Variants in AMBRA1 observed in about 807,000 individuals in gnomAD.
AMBRA1 encodes autophagy and beclin 1 regulator 1, also known as activating molecule in BECN1-regulated autophagy protein 1.
Under a neutral mutation model 125.4 loss-of-function variants are expected in AMBRA1, and 47 were observed. That is an observed-to-expected ratio of 0.37 (90% CI 0.30 to 0.48). The LOEUF (loss-of-function observed/expected upper bound fraction) is 0.48. AMBRA1 is among the 20% of genes least tolerant of loss of function. The pLI is 0.99. For synonymous variants in AMBRA1, 626 were observed against 655.5 expected (o/e 0.95, Z 0.69); for missense variants, 1,331 against 1,693.4 (o/e 0.79, Z 3.76).
intron 1 of AMBRA1, among the ~76,000 whole-genome samples, chr11:46,588,612 C>CT (rs1432750140): frequency 6.7e-6 from 1 of 149,318 alleles, no homozygotes; most frequent in East Asian, 1.9e-4. Context: ...CCCGTCTCTA[C>CT]TAAAAAAAAA....
intron 14 of AMBRA1, among the ~76,000 whole-genome samples, chr11:46,429,706 T>C (rs1947358643): frequency 1.3e-5 from 2 of 152,166 alleles, no homozygotes; most frequent in Admixed American, 1.3e-4. Context: ...TATTATACTG[T>C]GCAAGTTGCC....
At chr11:46,465,983 A>G (rs1949307425) in intron 11 of AMBRA1, among the ~76,000 whole-genome samples, 1 of 152,250 alleles carries the variant, frequency 6.6e-6, no homozygotes, top group African/African-American at 2.4e-5. Flanking sequence ...GATCTAGACT[A>G]AAGTACAGAG....
intron 13 of AMBRA1, among the ~76,000 whole-genome samples, chr11:46,434,072 G>A (rs1333520516): frequency 7.8e-6 from 1 of 127,964 alleles, no homozygotes; most frequent in African/African-American, 3.1e-5. Context: ...CTGAGATCAC[G>A]CCATTACATT....
At chr11:46,449,991 G>A (rs1948494236) in intron 11 of AMBRA1, among the ~76,000 whole-genome samples, 1 of 151,658 alleles carries the variant, frequency 6.6e-6, no homozygotes, top group Non-Finnish European at 1.5e-5. Flanking sequence ...CACAGTAGGT[G>A]GAGCTTGCAG....
chr11:46,485,296 T>C (rs1017520404), intron 11 of AMBRA1, among the ~76,000 whole-genome samples: 1 of 152,202 alleles, frequency 6.6e-6, no homozygotes, highest in African/African-American at 2.4e-5. Flanking sequence ...GAGTATACCA[T>C]ATAAATGACA....
chr11:46,517,339 G>C (rs929989218), intron 7 of AMBRA1, among the ~76,000 whole-genome samples: 3 of 150,836 alleles, frequency 2.0e-5, no homozygotes, highest in African/African-American at 4.9e-5. Context: ...GTAAAAACAG[G>C]GTTGCACCAT....
intron 11 of AMBRA1, among the ~76,000 whole-genome samples, chr11:46,445,417 T>C (rs141873717): frequency 4.6e-5 from 7 of 152,320 alleles, no homozygotes; most frequent in African/African-American, 1.7e-4. Context: ...TTGAGGTCCC[T>C]GTGGCGTATC....
At chr11:46,407,181 G>A (rs1322529387) in intron 17 of AMBRA1, among the ~76,000 whole-genome samples, 3 of 152,198 alleles carry the variant, frequency 2.0e-5, no homozygotes, top group Admixed American at 6.5e-5. Context: ...TCCAGCTTAG[G>A]TGACAGAGTG....
At chr11:46,563,523 T>A (rs1013884551) in intron 1 of AMBRA1, among the ~76,000 whole-genome samples, 5 of 152,060 alleles carry the variant, frequency 3.3e-5, no homozygotes, top group African/African-American at 1.2e-4. Flanking sequence ...CACGGCACCC[T>A]GATGAGAAAC....
intron 15 of AMBRA1, among the ~76,000 whole-genome samples, chr11:46,415,504 C>A (rs1020721839): frequency 6.6e-6 from 1 of 152,180 alleles, no homozygotes; most frequent in Non-Finnish European, 1.5e-5. Context: ...TGTTAGGAGG[C>A]CTCAGAGGAG....
chr11:46,418,353 T>C (rs1312808562), intron 14 of AMBRA1, among the ~76,000 whole-genome samples: 1 of 100,284 alleles, frequency 1.0e-5, no homozygotes, highest in South Asian at 3.2e-4. Context: ...TTTATATAAA[T>C]ATATATTTTA....
At chr11:46,436,072 A>G (rs1402431783) in intron 12 of AMBRA1, among the ~76,000 whole-genome samples, 1 of 152,198 alleles carries the variant, frequency 6.6e-6, no homozygotes, top group Non-Finnish European at 1.5e-5. Context: ...AAGCAAAAAA[A>G]CTTTTCACTG....
intron 11 of AMBRA1, among the ~76,000 whole-genome samples, chr11:46,477,100 C>CA (rs966567377): frequency 0.042 from 3,055 of 71,896 alleles, 64 homozygotes; most frequent in African/African-American, 0.092. Context: ...AAGACTGTCT[C>CA]AAAAAAAAAA....
intron 7 of AMBRA1, among the ~76,000 whole-genome samples, chr11:46,513,443 G>A (rs1951353569): frequency 6.6e-6 from 1 of 151,876 alleles, no homozygotes; most frequent in Admixed American, 6.6e-5. Flanking sequence ...ACATTTTATT[G>A]AACACTTTTT....
At chr11:46,454,690 G>C (rs1230306321) in intron 11 of AMBRA1, among the ~76,000 whole-genome samples, 1 of 151,838 alleles carries the variant, frequency 6.6e-6, no homozygotes, top group Non-Finnish European at 1.5e-5. Flanking sequence ...GGCGGAGCTT[G>C]CAGCGAGCCG....
At chr11:46,425,439 A>G (rs1441079460) in intron 14 of AMBRA1, among the ~76,000 whole-genome samples, 2 of 150,902 alleles carry the variant, frequency 1.3e-5, no homozygotes, top group South Asian at 4.2e-4. Context: ...CCAATTCTTG[A>G]AAAAAAGGAT....
chr11:46,587,638 A>G (rs910341612), intron 1 of AMBRA1, among the ~76,000 whole-genome samples: 9 of 152,120 alleles, frequency 5.9e-5, no homozygotes, highest in African/African-American at 2.2e-4. Context: ...CCCTGTAAAT[A>G]CCCAGGGCTC....
At position 46,397,637 on chromosome 11, in the gene AMBRA1, C is replaced by T; in HGVS notation, c.3710G>A (p.Gly1237Asp). ...SPRTASWDQP[G>D]TPGREPTQPT... ...CTGGGTTGGCTCCCGCCCAGGGGTA[C>T]CAGGCTGGTCCCAGGAAGCTGTCCG... Residue 1237 changes from glycine to aspartate, a missense_variant, in exon 18 of 18, where the codon GGT (glycine) becomes GAT (aspartate). Physicochemically the swap from Gly to Asp is moderately conservative, Grantham distance 94. This residue lies in a region of AMBRA1 where 144 missense variants were observed against 133.9 expected (regional missense o/e 1.08). Coordinates refer to ENST00000683756, the MANE Select transcript of AMBRA1 (RefSeq NM_001387011.1). 6.2e-7 allele frequency: 1 copy of T among 1,612,364 alleles called. No individual in the cohort carries two copies. The highest frequency in any genetic ancestry group is 1.3e-5 in the African/African-American group (1 of 74,992).
Position 46,397,470 on chromosome 11 carries a change from C to G in AMBRA1, c.3877G>C (p.Gly1293Arg), listed in dbSNP as rs1368323048. ...SSRGDAAGPR[G>R]EPRNR is the part of the protein sequence containing the mutation. ...TGTCTCTACCTGTTCCGTGGTTCTC[C>G]CCTAGGGCCTGCAGCGTCCCCCCTG... The change falls in exon 18 of 18, where the codon GGA (glycine) becomes CGA (arginine). Residue 1293 changes from glycine to arginine, a missense_variant. Transcript: ENST00000683756. 3 of 1,516,470 alleles carry G rather than the reference C, an allele frequency of 2.0e-6. No individual in the cohort carries two copies. In the African/African-American group the frequency reaches 4.2e-5, roughly 21 times the overall value. The allele number at this position is 1,516,470 out of a possible 1,614,324, so 93.9% of individuals were successfully genotyped here.
Sources: gnomAD v4.1 joint callset for allele counts (sites outside exome capture counted in the v4.1 genomes callset) on GRCh38, gnomAD v4.1.1 for gene constraint, gnomAD v4.1.1 regional missense constraint, MANE v1.5 for transcripts, NCBI Gene and HGNC (gene_info 2026-07-23, HGNC 2026-07-21) for gene names.